Variants in TENM4 observed in about 807,000 individuals in gnomAD.
TENM4 encodes teneurin-4.
Under a neutral mutation model 243.3 loss-of-function variants are expected in TENM4, and 82 were observed. The observed-to-expected ratio is 0.34, with a 90% confidence interval of 0.28 to 0.40. TENM4 has a LOEUF of 0.40. Among genes scored for constraint, TENM4 ranks in the 10% least tolerant of loss-of-function variants. The probability of loss-of-function intolerance (pLI) is 1.00; values close to 1 mark genes in which losing one functional copy is unlikely to be tolerated. For synonymous variants in TENM4, 1,412 were observed against 1,456.3 expected (o/e 0.97, Z 0.69); for missense variants, 3,138 against 3,673.3 (o/e 0.85, Z 3.77).
chr11:78,854,244 G>A lies in TENM4; in HGVS notation c.1541C>T (p.Pro514Leu), dbSNP rs758451846. The change falls in exon 12 of 34, where the codon CCG (proline) becomes CTG (leucine). Residue 514 changes from proline (P) to leucine (L), a missense_variant. Transcript: ENST00000278550. ...TQEARSLEGT[P>L]RQSRGTVPPS... ...GGGCACAGTTCCCCGAGACTGGCGC[G>A]GGGTCCCCTCTAGGCTCCGCGCCTC... 11 of 1,550,998 alleles carry A rather than the reference G, an allele frequency of 7.1e-6. No homozygotes were observed. Among genetic ancestry groups the A allele is most frequent in the African/African-American group, 2.7e-5 (2 of 73,044 alleles).
chr11:78,870,287 G>A (rs1859088769), intron 9 of TENM4, among the ~76,000 whole-genome samples: 1 of 152,068 alleles, frequency 6.6e-6, no homozygotes, highest in East Asian at 1.9e-4. Flanking sequence ...AAAACTTTAA[G>A]CCAGCTCTGT....
At chr11:78,801,462 G>A (rs956336970) in intron 15 of TENM4, among the ~76,000 whole-genome samples, 2 of 152,140 alleles carry the variant, frequency 1.3e-5, no homozygotes, top group Non-Finnish European at 2.9e-5. Context: ...TTTCTGAGAC[G>A]AGACTGGAAG....
intron 3 of TENM4, among the ~76,000 whole-genome samples, chr11:79,213,239 A>G (rs1863985687): frequency 6.6e-6 from 1 of 152,144 alleles, no homozygotes; most frequent in Non-Finnish European, 1.5e-5. Flanking sequence ...AGCAAGTCAC[A>G]ATATGGAACC....
At chr11:78,831,784 G>A (rs192084018) in intron 12 of TENM4, among the ~76,000 whole-genome samples, 5 of 152,252 alleles carry the variant, frequency 3.3e-5, no homozygotes, top group Admixed American at 3.3e-4. Flanking sequence ...AAATCACAAT[G>A]CCTACTATTG....
intron 1 of TENM4, among the ~76,000 whole-genome samples, chr11:79,317,773 C>CA (rs1856826864): frequency 6.6e-6 from 1 of 152,164 alleles, no homozygotes; most frequent in East Asian, 1.9e-4. Flanking sequence ...CCCAATGTCC[C>CA]AAAATAACCT....
In TENM4 at chr11:79,440,066, A is replaced by G. The variant is rs964578453; in HGVS notation, c.-321+443T>C. ...CCCGCAGGGCAGGCTGCAGCCGCTG[A>G]AGCCCGGCGCCGCCTCGCGGGCTCC... On this transcript the variant is annotated intron_variant, in intron 1 of 33. Coordinates refer to ENST00000278550, the MANE Select transcript of TENM4 (RefSeq NM_001098816.3). This position sits in a 1 kb window ranked among gnomAD's most constrained non-coding sequence, Gnocchi z 4.7. Among the ~76,000 whole-genome samples, 2 of 152,090 alleles carry G rather than the reference A, an allele frequency of 1.3e-5. No homozygotes were observed. Among genetic ancestry groups the G allele is most frequent in the Non-Finnish European group, 2.9e-5 (2 of 67,984 alleles).
In TENM4 at chr11:78,656,351, C is replaced by T. The variant is rs1264512887; in HGVS notation, c.*1707G>A. 1 of 152,154 alleles carries T rather than the reference C, an allele frequency of 6.6e-6. No individual in the cohort carries two copies. Among genetic ancestry groups the T allele is most frequent in the East Asian group, 1.9e-4 (1 of 5,200 alleles). 9.4% of individuals were successfully genotyped at this position (152,154 alleles called of 1,614,324 possible). ...ATAAAAGTTCCATTTTCTAAGAAGC[C>T]CAGCTTAAAAGGAAGCATTTGGCTT... On this transcript the variant is annotated 3_prime_UTR_variant, in exon 34 of 34. Transcript: ENST00000278550.
chr11:78,838,809 T>A (rs868126920), intron 12 of TENM4, among the ~76,000 whole-genome samples: 2 of 152,168 alleles, frequency 1.3e-5, no homozygotes, highest in Admixed American at 6.5e-5. Context: ...TGGAGGGTCA[T>A]CCAATGTTAA....
chr11:79,236,130 C>T (rs1302698204), intron 2 of TENM4, among the ~76,000 whole-genome samples: 1 of 152,116 alleles, frequency 6.6e-6, no homozygotes, highest in East Asian at 1.9e-4. Flanking sequence ...GCCTCTGATG[C>T]TGCCATGAAA....
intron 16 of TENM4, among the ~76,000 whole-genome samples, chr11:78,785,680 T>A (rs1856920960): frequency 6.6e-6 from 1 of 152,170 alleles, no homozygotes; most frequent in Non-Finnish European, 1.5e-5. Context: ...ATTATTATTA[T>A]TAATATTAAT....
At chr11:78,893,697 T>C (rs1565427024) in intron 7 of TENM4, among the ~76,000 whole-genome samples, 1 of 151,598 alleles carries the variant, frequency 6.6e-6, no homozygotes, top group Non-Finnish European at 1.5e-5. Flanking sequence ...AACTATTAGC[T>C]TCTTACCCTA....
intron 12 of TENM4, among the ~76,000 whole-genome samples, chr11:78,834,486 G>GT (rs1309657391): frequency 6.6e-6 from 1 of 152,188 alleles, no homozygotes; most frequent in Non-Finnish European, 1.5e-5. Context: ...GACTGTCATC[G>GT]TAAGGTGATG....
chr11:78,860,772 T>G (rs777889129), intron 10 of TENM4, among the ~76,000 whole-genome samples: 1 of 152,222 alleles, frequency 6.6e-6, no homozygotes, highest in Admixed American at 6.5e-5. Context: ...TGCAGCACAG[T>G]GCTGCATTGA....
At chr11:79,064,489 C>T (rs1860187495) in intron 6 of TENM4, 1 of 513,808 alleles carries the variant, frequency 1.9e-6, no homozygotes, top group Non-Finnish European at 3.5e-6. Context: ...ACCTTATGAG[C>T]AATGACCCAG....
At chr11:79,156,338 G>A (rs1160625117) in intron 3 of TENM4, among the ~76,000 whole-genome samples, 1 of 152,208 alleles carries the variant, frequency 6.6e-6, no homozygotes, top group Non-Finnish European at 1.5e-5. Context: ...TGTCAGCATG[G>A]ATAGATTGAT....
chr11:78,740,292 C>T (rs1855890371), intron 19 of TENM4, among the ~76,000 whole-genome samples: 1 of 152,178 alleles, frequency 6.6e-6, no homozygotes, highest in Non-Finnish European at 1.5e-5. Flanking sequence ...AGCAGCTGGT[C>T]TCACTAGTGT....
At chr11:79,155,638 C>T (rs1862596138) in intron 3 of TENM4, among the ~76,000 whole-genome samples, 1 of 125,970 alleles carries the variant, frequency 7.9e-6, no homozygotes, top group African/African-American at 3.1e-5. Context: ...CCCTTCCATC[C>T]TTCCTTCCCT....
chr11:78,775,094 C>T (rs1395209144), intron 17 of TENM4, among the ~76,000 whole-genome samples: 3 of 152,178 alleles, frequency 2.0e-5, no homozygotes, highest in Non-Finnish European at 4.4e-5. Flanking sequence ...TAGAAAGTCA[C>T]ACTGAATATC....
chr11:78,716,784 T>G (rs987239329), intron 25 of TENM4, among the ~76,000 whole-genome samples: 1 of 152,248 alleles, frequency 6.6e-6, no homozygotes, highest in Non-Finnish European at 1.5e-5. Flanking sequence ...CTTGCTAAAA[T>G]GCACATTTCA....
Sources: gnomAD v4.1 joint callset for allele counts (sites outside exome capture counted in the v4.1 genomes callset) on GRCh38, gnomAD v4.1.1 for gene constraint, Gnocchi (gnomAD v3.1) non-coding constraint, MANE v1.5 for transcripts, NCBI Gene and HGNC (gene_info 2026-07-23, HGNC 2026-07-21) for gene names.